Variants in GRIK4 observed in about 807,000 individuals in gnomAD.
The protein encoded by GRIK4 is glutamate receptor ionotropic, kainate 4.
GRIK4 carries 40 observed loss-of-function variants against 104.9 expected under a neutral mutation model. The ratio of observed to expected loss-of-function variants is 0.38; its 90% CI spans 0.30 to 0.50. The LOEUF is 0.50. Ranked by LOEUF, GRIK4 falls within the 20% of genes least tolerant of loss-of-function variation. The pLI, the probability that GRIK4 is intolerant of heterozygous loss-of-function variation, is 0.93. For missense variants in GRIK4, 1,047 were observed against 1,308.1 expected (o/e 0.80, Z 3.08); for synonymous variants, 485 against 524.9 (o/e 0.92, Z 1.04).
intron 1 of GRIK4, among the ~76,000 whole-genome samples, chr11:120,544,265 T>C (rs909804670): frequency 1.3e-5 from 2 of 152,246 alleles, no homozygotes; most frequent in South Asian, 4.1e-4. Context: ...TCAAGTTGTA[T>C]ACATTAAATA....
At chr11:120,783,479 C>G (rs910793164) in intron 3 of GRIK4, among the ~76,000 whole-genome samples, 13 of 152,098 alleles carry the variant, frequency 8.5e-5, no homozygotes, top group African/African-American at 3.1e-4. Flanking sequence ...CTTCCTTTCT[C>G]CCTCTGCTCC....
At chr11:120,957,021 C>A in intron 16 of GRIK4, 68 bp downstream of exon 16, 1 of 1,343,502 alleles carries the variant, frequency 7.4e-7, no homozygotes, top group Non-Finnish European at 1.0e-6. Flanking sequence ...CTCTGATAAG[C>A]CGGCTCTAGC....
At chr11:120,577,231 C>A (rs1301314547) in intron 1 of GRIK4, among the ~76,000 whole-genome samples, 2 of 152,066 alleles carry the variant, frequency 1.3e-5, no homozygotes, top group African/African-American at 2.4e-5. Context: ...CCTGAACTTG[C>A]ATCCTGTGGA....
Position 120,953,945 on chromosome 11 carries a change from TGGTTTGC to T in GRIK4, c.1700+982_1700+988del, listed in dbSNP as rs1944070846. Among the ~76,000 whole-genome samples, 1 of 152,182 alleles carries T rather than the reference TGGTTTGC, an allele frequency of 6.6e-6. No homozygotes were observed. The highest frequency in any genetic ancestry group is 6.5e-5 in the Admixed American group (1 of 15,288). ...AGCTTCTGGAATCTGTCCGTGGCTC[TGGTTTGC>T]AGGTGTCTCTTCAGTTGTTACCTTT... is the stretch of plus-strand genomic sequence containing the variant. On this transcript the variant is annotated intron_variant, in intron 15 of 20. Transcript: ENST00000527524. The surrounding 1 kb of genome is among the most constrained non-coding windows in gnomAD (Gnocchi z 4.9).
intron 13 of GRIK4, chr11:120,935,964 G>T: frequency 5.5e-6 from 1 of 181,112 alleles, no homozygotes; most frequent in Non-Finnish European, 1.2e-5. Flanking sequence ...AAAAGGAATG[G>T]GTTGTGTATG....
chr11:120,744,929 G>A (rs531096519), intron 3 of GRIK4, among the ~76,000 whole-genome samples: 43 of 152,278 alleles, frequency 2.8e-4, no homozygotes, highest in African/African-American at 1.0e-3. Context: ...CATTTAAAAG[G>A]CAATTTCTGG....
intron 3 of GRIK4, among the ~76,000 whole-genome samples, chr11:120,786,660 C>T (rs932290010): frequency 8.5e-5 from 13 of 152,218 alleles, no homozygotes; most frequent in South Asian, 2.1e-4. Flanking sequence ...AACAGAAATG[C>T]ATGTACATAT....
At chr11:120,741,341 C>G (rs1028036496) in intron 3 of GRIK4, among the ~76,000 whole-genome samples, 3 of 137,960 alleles carry the variant, frequency 2.2e-5, no homozygotes, top group African/African-American at 8.2e-5. Context: ...TGCAGCGGTG[C>G]GACCTTGACT....
intron 3 of GRIK4, among the ~76,000 whole-genome samples, chr11:120,717,118 C>T (rs1227948268): frequency 2.6e-5 from 4 of 152,156 alleles, no homozygotes; most frequent in African/African-American, 9.7e-5. Flanking sequence ...TTCCTGCCGA[C>T]GGAATGCCTG....
intron 3 of GRIK4, among the ~76,000 whole-genome samples, chr11:120,791,808 A>G (rs972987757): frequency 1.3e-5 from 2 of 152,196 alleles, no homozygotes; most frequent in African/African-American, 4.8e-5. Flanking sequence ...ATGGATATCC[A>G]AATGTTCCAG....
rs1256833885 is a variant in GRIK4, at chr11:120,988,665, T to A, written c.*2405T>A. 6.6e-6 allele frequency: 1 copy of A among 152,280 alleles called. No homozygotes were observed. Among genetic ancestry groups the A allele is most frequent in the African/African-American group, 2.4e-5 (1 of 41,468 alleles). 9.4% of individuals were successfully genotyped at this position (152,280 alleles called of 1,614,324 possible). A position where few individuals can be genotyped will look rare whatever the true frequency, so the allele number is the denominator to read the frequency against. ...ATACTCTTCCTTGGTTTGTTTCCAC[T>A]TTTTATCTGTTGGTTGTTGGCTTTC... On this transcript the variant is annotated 3_prime_UTR_variant, in exon 21 of 21. Transcript: ENST00000527524.
chr11:120,535,172 A>G (rs759730307), intron 1 of GRIK4, among the ~76,000 whole-genome samples: 1 of 152,018 alleles, frequency 6.6e-6, no homozygotes, highest in Non-Finnish European at 1.5e-5. Context: ...CACTCTTGTG[A>G]GCCTGTCTGA....
chr11:120,797,843 T>C (rs1367341559), intron 3 of GRIK4, among the ~76,000 whole-genome samples: 4 of 152,148 alleles, frequency 2.6e-5, no homozygotes, highest in Non-Finnish European at 5.9e-5. Context: ...ATCCTCCCCT[T>C]AATACAAGAT....
intron 3 of GRIK4, among the ~76,000 whole-genome samples, chr11:120,761,157 G>C (rs1423651903): frequency 6.6e-6 from 1 of 152,134 alleles, no homozygotes; most frequent in African/African-American, 2.4e-5. Context: ...GCATGAGATG[G>C]TATCTCATTG....
rs563824999 is a variant in GRIK4, at chr11:120,568,399, T to C, written c.-159+56512T>C. 6.1e-4 allele frequency among the ~76,000 whole-genome samples: 91 copies of C among 150,050 alleles called. 1 individual carries two copies. The highest frequency in any genetic ancestry group is 5.4e-3 in the South Asian group (26 of 4,814). ...GCATTCTTTTCTTTTCTTTTCTTTT[T>C]TTTTTTGAGACAGAGTCTTGCTCTG... On this transcript the variant is annotated intron_variant, in intron 1 of 20. Coordinates refer to ENST00000527524, the MANE Select transcript of GRIK4 (RefSeq NM_014619.5).
chr11:120,850,809 ATTATTATT>A (rs1953956420), intron 8 of GRIK4, among the ~76,000 whole-genome samples: 2 of 148,096 alleles, frequency 1.4e-5, no homozygotes, highest in Non-Finnish European at 3.0e-5. Context: ...TATTATTATT[ATTATTATT>A]ATTATTATTA....
At chr11:120,614,025 C>T (rs1484098639) in intron 1 of GRIK4, among the ~76,000 whole-genome samples, 3 of 152,172 alleles carry the variant, frequency 2.0e-5, no homozygotes, top group Non-Finnish European at 4.4e-5. Flanking sequence ...GTTCACCCTG[C>T]CCTCTGTTCC....
At chr11:120,782,686 C>T (rs772017130) in intron 3 of GRIK4, among the ~76,000 whole-genome samples, 17 of 152,082 alleles carry the variant, frequency 1.1e-4, no homozygotes, top group Non-Finnish European at 5.9e-5. Flanking sequence ...AGATTCCTCC[C>T]GTGGCTATGT....
At chr11:120,525,221 A>T (rs968657339) in intron 1 of GRIK4, among the ~76,000 whole-genome samples, 1 of 152,122 alleles carries the variant, frequency 6.6e-6, no homozygotes, top group South Asian at 2.1e-4. Flanking sequence ...AGTCAGATTG[A>T]GTCTAGCCGT....
Sources: allele counts gnomAD v4.1 joint callset (sites outside exome capture counted in the v4.1 genomes callset), GRCh38; gene constraint gnomAD v4.1.1; non-coding constraint Gnocchi (gnomAD v3.1); transcripts MANE v1.5; gene names NCBI Gene and HGNC (gene_info 2026-07-23, HGNC 2026-07-21).